LIPA: variants seen among roughly 807,000 people sequenced by gnomAD.
The protein encoded by LIPA is lipase A, lysosomal acid type.
In LIPA, 26 loss-of-function variants were observed where a neutral mutation model predicts 40.6. The ratio of observed to expected loss-of-function variants is 0.64; its 90% CI spans 0.47 to 0.89. The LOEUF is 0.89. LIPA is among the 40% of genes least tolerant of loss of function. The pLI, the probability that LIPA is intolerant of heterozygous loss-of-function variation, is 0.00. For missense variants in LIPA, 455 were observed against 479.6 expected, an observed-to-expected ratio of 0.95 and a Z score of 0.48; for synonymous variants, 188 against 168.4, an observed-to-expected ratio of 1.12 and a Z score of -0.90.
At chr10:89,364,187 T>C (rs1844042793) in intron 2 of LIPA, among the ~76,000 whole-genome samples, 1 of 152,190 alleles carries the variant, frequency 6.6e-6, no homozygotes, top group South Asian at 2.1e-4. Context: ...ATCCACGTGG[T>C]TGTGGCAGCA....
intron 1 of LIPA, among the ~76,000 whole-genome samples, chr10:89,287,608 C>T (rs187378449): frequency 6.6e-5 from 10 of 152,200 alleles, no homozygotes; most frequent in African/African-American, 2.4e-4. Context: ...ACCTCTACTC[C>T]CTCCTTGGTG....
intron 1 of LIPA, among the ~76,000 whole-genome samples, chr10:89,293,268 G>A (rs1340202740): frequency 6.6e-6 from 1 of 152,108 alleles, no homozygotes; most frequent in African/African-American, 2.4e-5. Context: ...CAAGTTTCCT[G>A]AGCCCTCCCC....
intron 2 of LIPA, among the ~76,000 whole-genome samples, chr10:89,394,771 T>C (rs1844317518): frequency 6.6e-6 from 1 of 151,970 alleles, no homozygotes; most frequent in East Asian, 1.9e-4. Flanking sequence ...GCAATCATCA[T>C]CACTATCTAG....
At chr10:89,295,014 AT>A (rs1843404040) in intron 1 of LIPA, among the ~76,000 whole-genome samples, 3 of 134,204 alleles carry the variant, frequency 2.2e-5, no homozygotes, top group South Asian at 2.7e-4. Context: ...AGGAAAGGAA[AT>A]GAAATGAAAG....
At position 89,225,098 on chromosome 10, in the gene LIPA, G is replaced by A. The variant is rs932100691; in HGVS notation, c.669C>T (p.Leu223=). The A allele has an allele frequency of 3.1e-6, 5 of 1,613,988 alleles. No homozygotes were observed. The highest frequency in any genetic ancestry group is 4.2e-6 in the Non-Finnish European group (5 of 1,180,014). Residue 223 remains leucine, a synonymous_variant, in exon 6 of 10, where the codon CTC becomes CTT. Coordinates refer to ENST00000336233, the MANE Select transcript of LIPA (RefSeq NM_000235.4). The part of the protein sequence containing the change: ...MAKLGRLPDH[L]IKDLFGDKEF... The stretch of plus-strand genomic sequence containing the variant: ...ATGGGAGGGGTCCAAGTACCTTAAT[G>A]AGATGATCTGGTAATCGTCCTAATT...
intron 1 of LIPA, among the ~76,000 whole-genome samples, chr10:89,266,344 T>A (rs1843236423): frequency 1.5e-5 from 2 of 137,476 alleles, no homozygotes; most frequent in Admixed American, 1.5e-4. Context: ...ATAAATTCAG[T>A]CAAGAATGAT....
intron 1 of LIPA, among the ~76,000 whole-genome samples, chr10:89,320,014 G>A (rs10887943): frequency 0.55 from 83,597 of 152,044 alleles, 26,576 homozygotes; most frequent in East Asian, 0.92. Context: ...ACAAAATTCA[G>A]TAGCCCTTCA....
At chr10:89,328,145 T>C (rs888412399) in intron 1 of LIPA, 1 of 1,434,172 alleles carries the variant, frequency 7.0e-7, no homozygotes, top group Non-Finnish European at 9.8e-7. Context: ...AGTTTCTTAC[T>C]GTGCAGGCAC....
chr10:89,343,528 C>A (rs1843890106), upstream of LIPA, among the ~76,000 whole-genome samples: 1 of 152,160 alleles, frequency 6.6e-6, no homozygotes, highest in Admixed American at 6.5e-5. Flanking sequence ...GAGAAAGAAG[C>A]ATGAAAGACA....
At chr10:89,352,990 TC>T (rs1843968110) in intron 2 of LIPA, among the ~76,000 whole-genome samples, 1 of 152,126 alleles carries the variant, frequency 6.6e-6, no homozygotes, top group Non-Finnish European at 1.5e-5. Context: ...TCTGGTTGCT[TC>T]CTCTGCCCTA....
chr10:89,213,663 A>G lies in LIPA; in HGVS notation c.*1165T>C, dbSNP rs1842580108. The G allele has an allele frequency of 6.6e-6, 1 of 152,282 alleles. No homozygotes were observed. Among genetic ancestry groups the G allele is most frequent in the South Asian group, 2.1e-4 (1 of 4,832 alleles). The allele number at this position is 152,282 out of a possible 1,614,324, so 9.4% of individuals were successfully genotyped here. On this transcript the variant is annotated 3_prime_UTR_variant, in exon 10 of 10. Transcript: ENST00000336233. The stretch of plus-strand genomic sequence containing the variant: ...TTCGCCCTGCCTATATTAACCATTA[A>G]CAAGCATTGTACTGTTAGTGCAGCT...
intron 2 of LIPA, among the ~76,000 whole-genome samples, chr10:89,411,038 T>C (rs1212642880): frequency 1.3e-5 from 2 of 152,216 alleles, no homozygotes; most frequent in African/African-American, 4.8e-5. Context: ...AACCTATAAT[T>C]GATAACTGAA....
chr10:89,345,621 C>T (rs1222770096), upstream of LIPA, among the ~76,000 whole-genome samples: 1 of 151,778 alleles, frequency 6.6e-6, no homozygotes, highest in African/African-American at 2.4e-5. Context: ...AAGAACCAAA[C>T]AAAACTTAGA....
chr10:89,392,755 G>A (rs759119935), intron 2 of LIPA: 1 of 1,608,892 alleles, frequency 6.2e-7, no homozygotes, highest in Admixed American at 1.7e-5. Flanking sequence ...AATGTCTAAA[G>A]TTTTTGAAAA....
rs144250923 is a variant in LIPA, at chr10:89,334,090, G to A, written c.-2+8521C>T. On this transcript the variant is annotated intron_variant, in intron 1 of 5. Coordinates refer to the LIPA transcript ENST00000282673. ...GCTGCACATGTGCAGACAAGAGTGG[G>A]GAAATCCCCACTCTTACCACTTCAA... 3.3e-5 allele frequency among the ~76,000 whole-genome samples: 5 copies of A among 152,184 alleles called. No homozygotes were observed. In the East Asian group the frequency reaches 9.7e-4, roughly 29 times the overall value.
At chr10:89,378,844 C>T (rs541828801) in intron 2 of LIPA, among the ~76,000 whole-genome samples, 31 of 152,266 alleles carry the variant, frequency 2.0e-4, no homozygotes, top group South Asian at 1.7e-3. Flanking sequence ...AGGAAATAAA[C>T]GAGAAAGCAA....
At chr10:89,215,487 C>G (rs1466109371) in intron 9 of LIPA, among the ~76,000 whole-genome samples, 1 of 152,202 alleles carries the variant, frequency 6.6e-6, no homozygotes, top group South Asian at 2.1e-4. Flanking sequence ...GAGATAATCA[C>G]GTTTACATCA....
At chr10:89,391,276 T>TG (rs1844247975) in intron 2 of LIPA, among the ~76,000 whole-genome samples, 1 of 152,184 alleles carries the variant, frequency 6.6e-6, no homozygotes, top group African/African-American at 2.4e-5. Flanking sequence ...TGCAGTGGTG[T>TG]GACCATGGCT....
chr10:89,392,010 C>CA (rs1354676914), intron 2 of LIPA, among the ~76,000 whole-genome samples: 1 of 152,128 alleles, frequency 6.6e-6, no homozygotes, highest in African/African-American at 2.4e-5. Flanking sequence ...ATAGAGGGCT[C>CA]TCTATTTCAA....
Sources: gnomAD v4.1 joint callset for allele counts (sites outside exome capture counted in the v4.1 genomes callset) on GRCh38, gnomAD v4.1.1 for gene constraint, MANE v1.5 for transcripts, NCBI Gene and HGNC (gene_info 2026-07-23, HGNC 2026-07-21) for gene names.